Variants in CEP128 observed in about 807,000 individuals in gnomAD.
CEP128 encodes centrosomal protein 128kDa.
In CEP128, 132 loss-of-function variants were observed where a neutral mutation model predicts 156.7. That is an observed-to-expected ratio of 0.84 (90% CI 0.73 to 0.97). CEP128 has a LOEUF of 0.97. CEP128 is among the 50% of genes least tolerant of loss of function. The probability of loss-of-function intolerance (pLI) is 0.00; values close to 1 mark genes in which losing one functional copy is unlikely to be tolerated. For synonymous variants in CEP128, 469 were observed against 448.9 expected, an observed-to-expected ratio of 1.04 and a Z score of -0.57; for missense variants, 1,252 against 1,281.9, an observed-to-expected ratio of 0.98 and a Z score of 0.36.
chr14:80,664,650 G>A (rs1895539546), intron 19 of CEP128, among the ~76,000 whole-genome samples: 1 of 152,152 alleles, frequency 6.6e-6, no homozygotes, highest in African/African-American at 2.4e-5. Flanking sequence ...TCACAAAGTG[G>A]TAGAGAAAGG....
At position 80,656,273 on chromosome 14, in the gene CEP128, TTTTATTTATATATATATTTATATATA is replaced by T. The variant is rs1364724899; in HGVS notation, c.2807-75876_2807-75851del. On this transcript the variant is annotated intron_variant, in intron 19 of 24. Transcript: ENST00000555265. ...CAAGTATTTCTCAATAAACCTAAGT[TTTTATTTATATATATATTTATATATA>T]TATATATATATATATATATATATAT... 3.9e-4 allele frequency among the ~76,000 whole-genome samples: 20 copies of T among 51,326 alleles called. 1 individual carries two copies. The highest frequency in any genetic ancestry group is 1.2e-3 in the African/African-American group (20 of 16,074). The allele number at this position is 51,326 out of a possible 152,430, so 33.7% of individuals were successfully genotyped here. A position where few individuals can be genotyped will look rare whatever the true frequency, so the allele number is the denominator to read the frequency against.
chr14:80,516,729 G>T (rs1460412435), intron 23 of CEP128, among the ~76,000 whole-genome samples: 1 of 152,282 alleles, frequency 6.6e-6, no homozygotes, highest in East Asian at 1.9e-4. Flanking sequence ...GTAGCACTGA[G>T]TTCCCATGCA....
chr14:80,781,823 C>T (rs970171548), intron 15 of CEP128, among the ~76,000 whole-genome samples: 5 of 152,102 alleles, frequency 3.3e-5, no homozygotes, highest in African/African-American at 7.2e-5. Context: ...GAATGCATAT[C>T]GGAATGTGAG....
intron 23 of CEP128, among the ~76,000 whole-genome samples, chr14:80,511,603 T>G (rs1014859188): frequency 1.3e-5 from 2 of 152,062 alleles, no homozygotes; most frequent in African/African-American, 2.4e-5. Flanking sequence ...TTATATCTAC[T>G]CTGATCTTCA....
At position 80,595,969 on chromosome 14, in the gene CEP128, T is replaced by C. The variant is rs556334585; in HGVS notation, c.2807-15546A>G. 4.6e-4 allele frequency among the ~76,000 whole-genome samples: 69 copies of C among 148,488 alleles called. 1 individual carries two copies. The highest frequency in any genetic ancestry group is 1.5e-3 in the African/African-American group (62 of 40,046). Reference sequence around the variant, plus strand: ...CATGATTTAATTATCTCTCACCGTGTCCCTCCCAGAACAAATGGAAATTAT... The same window carrying C: ...CATGATTTAATTATCTCTCACCGTGCCCCTCCCAGAACAAATGGAAATTAT... On this transcript the variant is annotated intron_variant, in intron 19 of 24. Coordinates refer to ENST00000555265, the MANE Select transcript of CEP128 (RefSeq NM_152446.5).
intron 23 of CEP128, among the ~76,000 whole-genome samples, chr14:80,522,883 C>T (rs779615867): frequency 1.3e-5 from 2 of 152,220 alleles, no homozygotes; most frequent in Non-Finnish European, 2.9e-5. Flanking sequence ...TGAATTCTAA[C>T]TATAAGCTTT....
intron 21 of CEP128, among the ~76,000 whole-genome samples, chr14:80,543,779 T>C (rs1889866467): frequency 6.6e-6 from 1 of 152,100 alleles, no homozygotes; most frequent in South Asian, 2.1e-4. Context: ...TGGTAGCAAA[T>C]AGGAAAAAGA....
intron 17 of CEP128, among the ~76,000 whole-genome samples, chr14:80,759,734 T>C (rs575828532): frequency 1.3e-5 from 2 of 152,250 alleles, no homozygotes; most frequent in East Asian, 3.9e-4. Flanking sequence ...TCACTCCATG[T>C]CTGAAAGCCT....
At chr14:80,553,018 AT>A (rs1052896126) in intron 21 of CEP128, among the ~76,000 whole-genome samples, 2 of 151,454 alleles carry the variant, frequency 1.3e-5, no homozygotes, top group African/African-American at 2.4e-5. Context: ...ATACTCAACA[AT>A]TTTTTTGTTC....
Position 80,647,093 on chromosome 14 carries a change from T to A in CEP128, c.2807-66670A>T, listed in dbSNP as rs71430713. Among the ~76,000 whole-genome samples, 16 of 74,276 alleles carry A rather than the reference T, an allele frequency of 2.2e-4. 1 individual carries two copies. Among genetic ancestry groups the A allele is most frequent in the East Asian group, 1.4e-3 (3 of 2,116 alleles). 48.7% of individuals were successfully genotyped at this position (74,276 alleles called of 152,430 possible). ...TATATATATATATATATATACACCCTTATAAATACACATACACACACACAC... is the reference window on the plus strand; with the variant it reads ...TATATATATATATATATATACACCCATATAAATACACATACACACACACAC... On this transcript the variant is annotated intron_variant, in intron 19 of 24. Transcript: ENST00000555265.
intron 10 of CEP128, 120 bp downstream of exon 10, chr14:80,840,562 T>C (rs546797000): frequency 6.2e-5 from 38 of 610,968 alleles, no homozygotes; most frequent in Non-Finnish European, 8.3e-5. Context: ...TGACTCCACA[T>C]AGAAAGATAA....
At chr14:80,732,770 T>C (rs1898341412) in intron 19 of CEP128, among the ~76,000 whole-genome samples, 1 of 151,982 alleles carries the variant, frequency 6.6e-6, no homozygotes, top group Non-Finnish European at 1.5e-5. Flanking sequence ...TGTTCCTGCC[T>C]GGAAAAATAA....
downstream of CEP128, among the ~76,000 whole-genome samples, chr14:80,485,827 A>G (rs1245398814): frequency 1.3e-5 from 2 of 152,236 alleles, no homozygotes. Context: ...TGCCTGTCCA[A>G]TGATGGGAAG....
chr14:80,647,037 GTATATA>G (rs60895994), intron 19 of CEP128, among the ~76,000 whole-genome samples: 15,839 of 69,428 alleles, frequency 0.23, 3,205 homozygotes, highest in Middle Eastern at 0.32. Flanking sequence ...ATGTGTGCAT[GTATATA>G]TATATATATA....
chr14:80,720,543 T>C (rs973126146), intron 19 of CEP128, among the ~76,000 whole-genome samples: 3 of 152,150 alleles, frequency 2.0e-5, no homozygotes, highest in African/African-American at 7.2e-5. Flanking sequence ...TCCCCCTTAA[T>C]AAAGCAGGAA....
At chr14:80,546,585 A>G (rs1466368531) in intron 21 of CEP128, among the ~76,000 whole-genome samples, 1 of 152,248 alleles carries the variant, frequency 6.6e-6, no homozygotes, top group Non-Finnish European at 1.5e-5. Context: ...GGAGTACTTC[A>G]TAGAATCCAC....
chr14:80,619,375 C>G (rs944588620), intron 19 of CEP128, among the ~76,000 whole-genome samples: 20 of 149,296 alleles, frequency 1.3e-4, no homozygotes, highest in South Asian at 4.5e-4. Context: ...CAGACACACA[C>G]ACACACACAC....
At chr14:80,697,001 C>T (rs1896914436) in intron 19 of CEP128, among the ~76,000 whole-genome samples, 1 of 152,040 alleles carries the variant, frequency 6.6e-6, no homozygotes, top group Admixed American at 6.6e-5. Flanking sequence ...AGAGGTAATG[C>T]TTAACAGCAA....
chr14:80,815,752 A>G (rs1884814833), intron 13 of CEP128, among the ~76,000 whole-genome samples: 1 of 152,228 alleles, frequency 6.6e-6, no homozygotes, highest in Admixed American at 6.5e-5. Flanking sequence ...CAGCCATAAA[A>G]ACAGGGAAAT....
Sources: allele counts gnomAD v4.1 joint callset (sites outside exome capture counted in the v4.1 genomes callset), GRCh38; gene constraint gnomAD v4.1.1; transcripts MANE v1.5; gene names NCBI Gene and HGNC (gene_info 2026-07-23, HGNC 2026-07-21).